The following BDKRB2 variants were observed in gnomAD, a reference collection of about 807,000 sequenced individuals.
BDKRB2 encodes B2 bradykinin receptor.
Under a neutral mutation model 4.0 loss-of-function variants are expected in BDKRB2, and 6 were observed. The ratio of observed to expected loss-of-function variants is 1.49; its 90% CI spans 0.81 to 2.93. BDKRB2 has a LOEUF of 2.93. Among genes scored for constraint, BDKRB2 ranks in the 30% most tolerant of loss-of-function variants. BDKRB2 has a pLI of 0.00. For missense variants in BDKRB2, 478 were observed against 520.1 expected, an observed-to-expected ratio of 0.92 and a Z score of 0.79; for synonymous variants, 225 against 215.3, an observed-to-expected ratio of 1.05 and a Z score of -0.40.
intron 1 of BDKRB2, among the ~76,000 whole-genome samples, chr14:96,222,493 T>C (rs1465603645): frequency 6.6e-6 from 1 of 152,032 alleles, no homozygotes; most frequent in Non-Finnish European, 1.5e-5. Flanking sequence ...AGCCACCTCA[T>C]TAGAACAAAA....
chr14:96,228,874 G>C (rs1459779386), intron 1 of BDKRB2, among the ~76,000 whole-genome samples: 2 of 152,222 alleles, frequency 1.3e-5, no homozygotes, highest in Non-Finnish European at 2.9e-5. Context: ...GCCTCAGGCA[G>C]ACCCAGGCTT....
Position 96,237,018 on chromosome 14 carries a change from T to G in BDKRB2, c.-39-51T>G. The stretch of plus-strand genomic sequence containing the variant: ...CTCCCTGCTGGAGAATGCGTGTATT[T>G]TGCAATCCCCAGCCCCTGTGCCATC... On this transcript the variant is annotated intron_variant, in intron 1 of 2. Coordinates refer to ENST00000554311, the MANE Select transcript of BDKRB2 (RefSeq NM_001379692.1). 2 of 1,097,228 alleles carry G rather than the reference T, an allele frequency of 1.8e-6. 1 individual carries two copies. Among genetic ancestry groups the G allele is most frequent in the Non-Finnish European group, 2.8e-6 (2 of 714,270 alleles). The allele number at this position is 1,097,228 out of a possible 1,614,324, so 68.0% of individuals were successfully genotyped here. A position where few individuals can be genotyped will look rare whatever the true frequency, so the allele number is the denominator to read the frequency against.
intron 2 of BDKRB2, chr14:96,238,270 G>A (rs902948263): frequency 4.8e-5 from 20 of 416,936 alleles, no homozygotes; most frequent in African/African-American, 4.3e-4. Context: ...CTCACATGGC[G>A]GCTCACATCC....
intron 1 of BDKRB2, among the ~76,000 whole-genome samples, chr14:96,225,667 C>T (rs146187887): frequency 1.9e-3 from 284 of 152,302 alleles, no homozygotes; most frequent in Admixed American, 2.2e-3. Flanking sequence ...GGATAAAACT[C>T]CACCTGTCCC....
At chr14:96,227,288 C>T (rs955749504) in intron 1 of BDKRB2, among the ~76,000 whole-genome samples, 1 of 152,216 alleles carries the variant, frequency 6.6e-6, no homozygotes, top group Non-Finnish European at 1.5e-5. Flanking sequence ...GCTTTGCAAT[C>T]ATTAATGTAC....
At chr14:96,218,908 G>A (rs913323565) in intron 1 of BDKRB2, among the ~76,000 whole-genome samples, 1 of 151,756 alleles carries the variant, frequency 6.6e-6, no homozygotes, top group Non-Finnish European at 1.5e-5. Flanking sequence ...GACAGAGCGA[G>A]ACCCCATTTC....
rs1885257962 is a variant in BDKRB2 at position 96,240,684 on chromosome 14, A to C, written c.356A>C (p.Asn119Thr). The change falls in exon 3 of 3, where the codon AAC becomes ACC. Residue 119 changes from asparagine to threonine, a missense_variant. Asn to Thr is a moderately conservative substitution (Grantham distance 65, BLOSUM62 0). Transcript: ENST00000554311. Reference sequence around the variant, plus strand: ...CCCTTCTGGGCCATCACCATCTCCAACAACTTCGACTGGCTCTTTGGGGAG... The same window carrying C: ...CCCTTCTGGGCCATCACCATCTCCACCAACTTCGACTGGCTCTTTGGGGAG... ...GLPFWAITIS[N>T]NFDWLFGETL... The C allele has an allele frequency of 6.3e-7, 1 of 1,596,788 alleles. No individual in the cohort carries two copies. Among genetic ancestry groups the C allele is most frequent in the South Asian group, 1.1e-5 (1 of 87,210 alleles).
intron 2 of BDKRB2, chr14:96,238,093 A>C: frequency 9.5e-7 from 1 of 1,058,078 alleles, no homozygotes; most frequent in Non-Finnish European, 1.1e-6. Context: ...ATGGGTCAAG[A>C]ATTCAGAGCC....
chr14:96,205,619 G>A (rs1271732000), intron 1 of BDKRB2, among the ~76,000 whole-genome samples: 1 of 152,156 alleles, frequency 6.6e-6, no homozygotes, highest in Admixed American at 6.5e-5. Context: ...ATGGTGCAGG[G>A]GTTCCAAGCA....
chr14:96,224,982 G>A (rs1434202352), intron 1 of BDKRB2, among the ~76,000 whole-genome samples: 1 of 152,178 alleles, frequency 6.6e-6, no homozygotes, highest in Non-Finnish European at 1.5e-5. Flanking sequence ...GCCACAGGGA[G>A]CAAGGCAGGG....
intron 1 of BDKRB2, among the ~76,000 whole-genome samples, chr14:96,217,193 G>A (rs1890446995): frequency 6.6e-6 from 1 of 152,192 alleles, no homozygotes; most frequent in Non-Finnish European, 1.5e-5. Flanking sequence ...GGGACTGATG[G>A]TGTGTGACAA....
rs1885244929 is a variant in BDKRB2 at position 96,240,422 on chromosome 14, A to G, written c.94A>G (p.Thr32Ala). Residue 32 changes from threonine to alanine, a missense_variant, in exon 3 of 3, where the codon ACC becomes GCC. Coordinates refer to ENST00000554311, the MANE Select transcript of BDKRB2 (RefSeq NM_001379692.1). The stretch of plus-strand genomic sequence containing the variant: ...TTTCAGCGCCGACATGCTCAATGTC[A>G]CCTTGCAAGGGCCCACTCTTAACGG... ...ASFSADMLNV[T>A]LQGPTLNGTF... The G allele has an allele frequency of 6.8e-7, 1 of 1,460,844 alleles. No homozygotes were observed. The highest frequency in any genetic ancestry group is 9.1e-7 in the Non-Finnish European group (1 of 1,104,906). The allele number at this position is 1,460,844 out of a possible 1,614,324, so 90.5% of individuals were successfully genotyped here. A position where few individuals can be genotyped will look rare whatever the true frequency, so the allele number is the denominator to read the frequency against.
At chr14:96,218,635 G>C (rs1326657912) in intron 1 of BDKRB2, among the ~76,000 whole-genome samples, 1 of 152,178 alleles carries the variant, frequency 6.6e-6, no homozygotes, top group Non-Finnish European at 1.5e-5. Context: ...AACCCATCTA[G>C]AGCTGGGCAT....
intron 1 of BDKRB2, among the ~76,000 whole-genome samples, chr14:96,232,708 A>G (rs1890844515): frequency 6.6e-6 from 1 of 152,186 alleles, no homozygotes; most frequent in African/African-American, 2.4e-5. Context: ...AAGGCGTTGA[A>G]GTGCACGGAC....
At position 96,204,879 on chromosome 14, in the gene BDKRB2, CGGTGG is replaced by C. The variant is rs1566685356; in HGVS notation, c.-117_-113del. 2 of 87,054 alleles carry C rather than the reference CGGTGG, an allele frequency of 2.3e-5. No individual in the cohort carries two copies. Among genetic ancestry groups the C allele is most frequent in the African/African-American group, 6.9e-5 (1 of 14,570 alleles). 5.4% of individuals were successfully genotyped at this position (87,054 alleles called of 1,614,324 possible). A position where few individuals can be genotyped will look rare whatever the true frequency, so the allele number is the denominator to read the frequency against. ...TCTGGGCTCCGAGGAGGGGTGGGGA[CGGTGG>C]GGACGGTGGGGACATCAGGCTGCCC... On this transcript the variant is annotated 5_prime_UTR_variant, in exon 1 of 3. Transcript: ENST00000554311.
intron 2 of BDKRB2, 131 bp downstream of exon 2, chr14:96,237,312 A>T (rs1266438011): frequency 1.2e-6 from 1 of 846,804 alleles, no homozygotes; most frequent in African/African-American, 1.7e-5. Flanking sequence ...GCCCAAAGAC[A>T]AAACCTCTCA....
chr14:96,213,322 G>A (rs868659725), intron 1 of BDKRB2, among the ~76,000 whole-genome samples: 16 of 152,170 alleles, frequency 1.1e-4, no homozygotes, highest in Non-Finnish European at 2.9e-5. Context: ...GGAGAGACAG[G>A]CAGAGACCCA....
intron 1 of BDKRB2, among the ~76,000 whole-genome samples, chr14:96,223,527 T>C (rs1890626082): frequency 2.0e-5 from 3 of 152,152 alleles, no homozygotes; most frequent in South Asian, 2.1e-4. Context: ...ACCACCACCA[T>C]AGCCCAGCCA....
chr14:96,223,374 A>G (rs1890621857), intron 1 of BDKRB2: 2 of 813,278 alleles, frequency 2.5e-6, no homozygotes, highest in Non-Finnish European at 4.4e-6. Flanking sequence ...TTCAGACTCA[A>G]GCTTTACACA....
Sources: gnomAD v4.1 joint callset for allele counts (sites outside exome capture counted in the v4.1 genomes callset) on GRCh38, gnomAD v4.1.1 for gene constraint, MANE v1.5 for transcripts, NCBI Gene and HGNC (gene_info 2026-07-23, HGNC 2026-07-21) for gene names.